Variants in COL4A1 observed in about 807,000 individuals in gnomAD.
COL4A1 encodes collagen type IV alpha 1 chain.
A neutral mutation model predicts 216.6 loss-of-function variants in COL4A1; 40 were observed. The ratio of observed to expected loss-of-function variants is 0.18; its 90% confidence interval spans 0.14 to 0.24. The LOEUF (loss-of-function observed/expected upper bound fraction) is 0.24. COL4A1 is among the 10% of genes least tolerant of loss of function. The pLI, the probability that COL4A1 is intolerant of heterozygous loss-of-function variation, is 1.00. For missense variants in COL4A1, 1,628 were observed against 2,196.8 expected (o/e 0.74, Z 5.18); for synonymous variants, 839 against 810.7 (o/e 1.03, Z -0.59).
At chr13:110,299,680 C>T (rs907814957) in intron 1 of COL4A1, among the ~76,000 whole-genome samples, 1 of 152,222 alleles carries the variant, frequency 6.6e-6, no homozygotes, top group African/African-American at 2.4e-5. Flanking sequence ...GTAGTTGAGA[C>T]GTTGCCATCG....
chr13:110,301,690 G>A (rs1412053286), intron 1 of COL4A1, among the ~76,000 whole-genome samples: 4 of 152,228 alleles, frequency 2.6e-5, no homozygotes, highest in Admixed American at 6.5e-5. Flanking sequence ...TCAGTGGAAT[G>A]CGTGCTAGCC....
chr13:110,201,688 A>G (rs769172996), intron 18 of COL4A1, 166 bp from the exon 19 acceptor site: 6 of 781,826 alleles, frequency 7.7e-6, no homozygotes, highest in Non-Finnish European at 1.4e-5. Flanking sequence ...ATAAGCCTCT[A>G]AAACATATGG....
At chr13:110,165,517 C>T (rs1395598610) in intron 45 of COL4A1, among the ~76,000 whole-genome samples, 1 of 151,914 alleles carries the variant, frequency 6.6e-6, no homozygotes, top group Non-Finnish European at 1.5e-5. Flanking sequence ...TCAGCCTCCC[C>T]GTTTTCAGCC....
At chr13:110,213,109 C>T (rs1879896855) in intron 4 of COL4A1, among the ~76,000 whole-genome samples, 1 of 152,066 alleles carries the variant, frequency 6.6e-6, no homozygotes, top group Admixed American at 6.6e-5. Flanking sequence ...GACTTCGGGA[C>T]TCAGGTGGGG....
Position 110,216,812 on chromosome 13 carries a change from C to T in COL4A1, c.145-2797G>A, listed in dbSNP as rs571277884. On this transcript the variant is annotated intron_variant, in intron 2 of 51. Transcript: ENST00000375820. ...GCCCAAGGTACCGACCCTTCTATGT[C>T]CATTTCACAGATAGGGAAATTAAGA... 6.0e-4 allele frequency among the ~76,000 whole-genome samples: 91 copies of T among 152,272 alleles called. 1 individual carries two copies. Among genetic ancestry groups the T allele is most frequent in the Non-Finnish European group, 1.1e-3 (74 of 68,026 alleles).
chr13:110,163,615 T>C, intron 46 of COL4A1, 54 bp from the exon 47 acceptor site: 1 of 1,474,760 alleles, frequency 6.8e-7, no homozygotes, highest in Non-Finnish European at 9.4e-7. Flanking sequence ...GCTGTATCTC[T>C]TTCTTCCCTT....
intron 1 of COL4A1, among the ~76,000 whole-genome samples, chr13:110,288,444 G>A (rs188590869): frequency 6.6e-6 from 1 of 152,160 alleles, no homozygotes; most frequent in Non-Finnish European, 1.5e-5. Context: ...GCATAATTTT[G>A]TCTCTTGCAA....
intron 21 of COL4A1, 133 bp from the exon 22 acceptor site, chr13:110,195,251 A>G: frequency 1.3e-6 from 1 of 778,544 alleles, no homozygotes. Context: ...AGTTTGTTTC[A>G]AAATCATCTT....
chr13:110,177,899 G>T lies in COL4A1; in HGVS notation c.2659C>A (p.Pro887Thr). The T allele has an allele frequency of 1.2e-6, 2 of 1,614,124 alleles. No homozygotes were observed. The highest frequency in any genetic ancestry group is 1.7e-6 in the Non-Finnish European group (2 of 1,180,032). ...SKGEMGVMGT[P>T]GQPGSPGPVG... The stretch of plus-strand genomic sequence containing the variant: ...GGTCCTGGTGAGCCCGGCTGCCCGG[G>T]GGTCCCCATGACGCCCATTTCTCCC... Residue 887 changes from proline to threonine, a missense_variant, in exon 33 of 52, where the codon CCC becomes ACC. Around this residue, in one of 8 missense-constraint regions of COL4A1, gnomAD observed 701 missense variants for 892.5 expected, o/e 0.79. Coordinates refer to ENST00000375820, the MANE Select transcript of COL4A1 (RefSeq NM_001845.6).
intron 1 of COL4A1, among the ~76,000 whole-genome samples, chr13:110,262,464 T>A (rs1882869449): frequency 6.6e-6 from 1 of 152,238 alleles, no homozygotes; most frequent in Non-Finnish European, 1.5e-5. Context: ...AAAAGCATTT[T>A]TCAGAAGTTC....
At chr13:110,257,195 T>C (rs1045484976) in intron 1 of COL4A1, among the ~76,000 whole-genome samples, 3 of 152,076 alleles carry the variant, frequency 2.0e-5, no homozygotes, top group Non-Finnish European at 4.4e-5. Context: ...TAAAACCAGG[T>C]TTGAAAACTC....
chr13:110,252,519 CGTATAATTATACGTATATATGTATT>C (rs1882144571), intron 1 of COL4A1, among the ~76,000 whole-genome samples: 2 of 8,218 alleles, frequency 2.4e-4, no homozygotes, highest in East Asian at 0.015. Context: ...ATTATATATA[CGTATAATTATACGTATATATGTATT>C]ATATATACGT....
chr13:110,261,774 C>T (rs1458448220), intron 1 of COL4A1, among the ~76,000 whole-genome samples: 1 of 152,218 alleles, frequency 6.6e-6, no homozygotes, highest in Non-Finnish European at 1.5e-5. Flanking sequence ...CAGACATTGT[C>T]TCCTAAGGAC....
intron 50 of COL4A1, 40 bp downstream of exon 50, chr13:110,155,243 G>T: frequency 6.7e-7 from 1 of 1,482,438 alleles, no homozygotes; most frequent in Non-Finnish European, 9.4e-7. Context: ...GCGTGAGTGG[G>T]GCTCTTCCCG....
intron 1 of COL4A1, chr13:110,305,851 A>G (rs1325039662): frequency 6.6e-6 from 1 of 152,280 alleles, no homozygotes; most frequent in Admixed American, 6.5e-5. Flanking sequence ...TTTAGTGAGT[A>G]TCATTCTTCC....
chr13:110,198,214 C>T (rs997679507), intron 21 of COL4A1, among the ~76,000 whole-genome samples: 1 of 151,926 alleles, frequency 6.6e-6, no homozygotes, highest in African/African-American at 2.4e-5. Flanking sequence ...ACTTTAGATG[C>T]CAGGAGTCTC....
chr13:110,303,930 T>C (rs1179784214), intron 1 of COL4A1, among the ~76,000 whole-genome samples: 1 of 152,212 alleles, frequency 6.6e-6, no homozygotes, highest in African/African-American at 2.4e-5. Flanking sequence ...CCAGGGAAAC[T>C]GAGGTATAGA....
intron 2 of COL4A1, among the ~76,000 whole-genome samples, chr13:110,214,317 T>C (rs1290230423): frequency 6.6e-6 from 1 of 152,104 alleles, no homozygotes; most frequent in African/African-American, 2.4e-5. Context: ...CTCGAACTTC[T>C]GATCTCAGGT....
intron 2 of COL4A1, among the ~76,000 whole-genome samples, chr13:110,219,402 A>G (rs1880262033): frequency 6.6e-6 from 1 of 152,126 alleles, no homozygotes. Flanking sequence ...TAAATATTTA[A>G]CATTAAAGCA....
Sources: gnomAD v4.1 joint callset for allele counts (sites outside exome capture counted in the v4.1 genomes callset) on GRCh38, gnomAD v4.1.1 for gene constraint, gnomAD v4.1.1 regional missense constraint, MANE v1.5 for transcripts, NCBI Gene and HGNC (gene_info 2026-07-23, HGNC 2026-07-21) for gene names.